The following TMPRSS11A variants were observed in gnomAD, a reference collection of about 807,000 sequenced individuals.
TMPRSS11A encodes transmembrane serine protease 11A, also known as transmembrane protease serine 11A.
TMPRSS11A carries 53 observed loss-of-function variants against 58.9 expected under a neutral mutation model. The ratio of observed to expected loss-of-function variants is 0.90; its 90% CI spans 0.72 to 1.13. The LOEUF (loss-of-function observed/expected upper bound fraction) is 1.13. TMPRSS11A is among the 50% of genes most tolerant of loss of function. The pLI is 0.00. For synonymous variants in TMPRSS11A, 167 were observed against 169.8 expected (o/e 0.98, Z 0.13); for missense variants, 493 against 499.3 (o/e 0.99, Z 0.12).
chr4:67,957,703 G>A (rs539659285), intron 1 of TMPRSS11A, among the ~76,000 whole-genome samples: 14 of 152,218 alleles, frequency 9.2e-5, no homozygotes, highest in African/African-American at 1.4e-4. Flanking sequence ...AATTCAAGCC[G>A]GCTGCAGAAA....
intron 4 of TMPRSS11A, 119 bp downstream of exon 4, chr4:67,931,874 T>C (rs1577859844): frequency 1.6e-6 from 1 of 644,558 alleles, no homozygotes; most frequent in Non-Finnish European, 2.8e-6. Context: ...AGGTAATGTT[T>C]ATGAAAAATT....
At chr4:67,960,128 A>T (rs1721389254) in intron 1 of TMPRSS11A, among the ~76,000 whole-genome samples, 1 of 152,142 alleles carries the variant, frequency 6.6e-6, no homozygotes, top group Non-Finnish European at 1.5e-5. Context: ...ACATAGACAT[A>T]AACACGGGAA....
Position 67,946,470 on chromosome 4 carries a change from A to G in TMPRSS11A, c.113T>C (p.Leu38Pro), listed in dbSNP as rs1721009244. ...CCTACCAAATACTAGGAAGTGAACC[A>G]GGAGACCTATGGTCACTGCCACCAC... ...LTVVAVTIGL[L>P]VHFLVFDQKK... The change falls in exon 2 of 10, where the codon CTG (leucine) becomes CCG (proline). Residue 38 changes from leucine to proline, a missense_variant. Transcript: ENST00000508048. The G allele has an allele frequency of 1.2e-6, 2 of 1,605,472 alleles. No homozygotes were observed. Among genetic ancestry groups the G allele is most frequent in the Non-Finnish European group, 1.7e-6 (2 of 1,176,156 alleles).
At chr4:67,941,060 A>T (rs1044486825) in intron 3 of TMPRSS11A, among the ~76,000 whole-genome samples, 5 of 152,164 alleles carry the variant, frequency 3.3e-5, no homozygotes, top group African/African-American at 1.2e-4. Flanking sequence ...GATATGAGAG[A>T]TGAGATATGT....
chr4:67,928,108 G>A (rs1477945073), intron 5 of TMPRSS11A, among the ~76,000 whole-genome samples: 4 of 152,064 alleles, frequency 2.6e-5, no homozygotes, highest in Admixed American at 6.6e-5. Flanking sequence ...GCAGTGGCGC[G>A]ATCTTGGCTC....
chr4:67,954,285 A>G (rs1431187503), intron 1 of TMPRSS11A, among the ~76,000 whole-genome samples: 1 of 152,208 alleles, frequency 6.6e-6, no homozygotes, highest in Non-Finnish European at 1.5e-5. Flanking sequence ...TGGGTTCCCC[A>G]TGGATGTACT....
intron 6 of TMPRSS11A, among the ~76,000 whole-genome samples, chr4:67,923,865 GA>G (rs1720394774): frequency 6.6e-6 from 1 of 151,982 alleles, no homozygotes; most frequent in Non-Finnish European, 1.5e-5. Context: ...TTAAAAATTA[GA>G]AAAACAAGTC....
intron 2 of TMPRSS11A, among the ~76,000 whole-genome samples, chr4:67,945,340 C>T (rs192019866): frequency 1.1e-4 from 16 of 152,214 alleles, no homozygotes; most frequent in African/African-American, 3.1e-4. Context: ...ACAAAACAAC[C>T]TCAATCCTTG....
intron 1 of TMPRSS11A, among the ~76,000 whole-genome samples, chr4:67,951,298 G>C (rs989959496): frequency 2.0e-5 from 3 of 152,174 alleles, no homozygotes; most frequent in Non-Finnish European, 4.4e-5. Flanking sequence ...CAGTCTTGTA[G>C]ACTGAAAGAC....
chr4:67,944,426 T>C, intron 3 of TMPRSS11A, 93 bp downstream of exon 3: 1 of 1,416,184 alleles, frequency 7.1e-7, no homozygotes, highest in Non-Finnish European at 9.7e-7. Flanking sequence ...ATGTTGGCGG[T>C]CTGAAAATCA....
intron 9 of TMPRSS11A, among the ~76,000 whole-genome samples, chr4:67,912,632 C>G (rs1294968599): frequency 6.6e-6 from 1 of 152,086 alleles, no homozygotes; most frequent in Non-Finnish European, 1.5e-5. Flanking sequence ...AATAATCTTC[C>G]CTTTGAAATT....
chr4:67,936,644 C>T (rs886914795), intron 3 of TMPRSS11A, among the ~76,000 whole-genome samples: 3 of 152,096 alleles, frequency 2.0e-5, no homozygotes, highest in African/African-American at 7.2e-5. Flanking sequence ...TCTTTGATTG[C>T]ACTGGTCCTT....
chr4:67,951,731 T>C (rs1721167396), intron 1 of TMPRSS11A, among the ~76,000 whole-genome samples: 1 of 152,206 alleles, frequency 6.6e-6, no homozygotes, highest in Admixed American at 6.5e-5. Context: ...CTATCTGATT[T>C]TAAAAGGGAT....
In TMPRSS11A at chr4:67,940,214, G is replaced by T. The variant is rs1336111676; in HGVS notation, c.252+4305C>A. Among the ~76,000 whole-genome samples the T allele has an allele frequency of 3.9e-5, 6 of 152,086 alleles. 1 individual carries two copies. Among genetic ancestry groups the T allele is most frequent in the African/African-American group, 1.4e-4 (6 of 41,398 alleles). On this transcript the variant is annotated intron_variant, in intron 3 of 9. Transcript: ENST00000508048. The stretch of plus-strand genomic sequence containing the variant: ...AATTTTCTTTTTTCATTCTGTCTTT[G>T]TGAGGTTTTGGCGTTAGGGTAATGC...
intron 7 of TMPRSS11A, among the ~76,000 whole-genome samples, chr4:67,921,362 C>T (rs1720325883): frequency 6.6e-6 from 1 of 152,084 alleles, no homozygotes; most frequent in South Asian, 2.1e-4. Flanking sequence ...AAGATGGGGT[C>T]TTGCATTGTC....
In TMPRSS11A at chr4:67,948,029, T is replaced by A. The variant is rs370801711; in HGVS notation, c.12-1458A>T. Among the ~76,000 whole-genome samples, 3 of 152,356 alleles carry A rather than the reference T, an allele frequency of 2.0e-5. No individual in the cohort carries two copies. In the South Asian group the frequency reaches 6.2e-4, roughly 32 times the overall value. ...TCCAATTTATCAGAGTTTATCTCTT[T>A]ATGTGTATATATTGATAGCCTAAAT... is the stretch of plus-strand genomic sequence containing the variant. On this transcript the variant is annotated intron_variant, in intron 1 of 9. Coordinates refer to ENST00000508048, the MANE Select transcript of TMPRSS11A (RefSeq NM_001114387.2).
At position 67,910,030 on chromosome 4, in the gene TMPRSS11A, G is replaced by T. The variant is rs1316092323; in HGVS notation, c.*1312C>A. On this transcript the variant is annotated 3_prime_UTR_variant, in exon 10 of 10. Coordinates refer to ENST00000508048, the MANE Select transcript of TMPRSS11A (RefSeq NM_001114387.2). ...TTATATTTGGGCTAAATGAGTAAAT[G>T]ACTCCCCAGCCTGCAGACCATAATA... is the stretch of plus-strand genomic sequence containing the variant. The T allele has an allele frequency of 2.0e-5, 3 of 151,960 alleles. No homozygotes were observed. The highest frequency in any genetic ancestry group is 7.2e-5 in the African/African-American group (3 of 41,400). The allele number at this position is 151,960 out of a possible 1,614,324, so 9.4% of individuals were successfully genotyped here.
In TMPRSS11A at chr4:67,922,934, A is replaced by C; in HGVS notation, c.521-8T>G. ...CAACTCGTTTACCACAACCTGAAAAAAGATGAGATCATTAAGTTATAAGAA... is the reference window on the plus strand; with the variant it reads ...CAACTCGTTTACCACAACCTGAAAACAGATGAGATCATTAAGTTATAAGAA... On this transcript the variant is annotated splice_polypyrimidine_tract_variant and splice_region_variant and intron_variant, in intron 6 of 9. Transcript: ENST00000508048. The C allele has an allele frequency of 6.2e-7, 1 of 1,613,648 alleles. No individual in the cohort carries two copies. Among genetic ancestry groups the C allele is most frequent in the Non-Finnish European group, 8.5e-7 (1 of 1,179,590 alleles).
intron 3 of TMPRSS11A, among the ~76,000 whole-genome samples, chr4:67,939,190 G>A (rs539686150): frequency 2.0e-5 from 3 of 151,878 alleles, no homozygotes; most frequent in African/African-American, 7.3e-5. Flanking sequence ...ATTGAAAATG[G>A]GATTGTGTTC....
Sources: gnomAD v4.1 joint callset for allele counts (sites outside exome capture counted in the v4.1 genomes callset) on GRCh38, gnomAD v4.1.1 for gene constraint, MANE v1.5 for transcripts, NCBI Gene and HGNC (gene_info 2026-07-23, HGNC 2026-07-21) for gene names.